NBEA: variants seen among roughly 807,000 people sequenced by gnomAD.
The protein encoded by NBEA is lysosomal-trafficking regulator 2.
Under a neutral mutation model 343.4 loss-of-function variants are expected in NBEA, and 44 were observed. That is an observed-to-expected ratio of 0.13 (90% CI 0.10 to 0.16). The LOEUF is 0.16. Among genes scored for constraint, NBEA ranks in the 10% least tolerant of loss-of-function variants. The pLI, the probability that NBEA is intolerant of heterozygous loss-of-function variation, is 1.00. For missense variants in NBEA, 2,555 were observed against 3,631.3 expected (o/e 0.70, Z 7.62); for synonymous variants, 1,175 against 1,238.7 (o/e 0.95, Z 1.08).
chr13:35,173,535 C>T lies in NBEA; in HGVS notation c.4495C>T (p.His1499Tyr). 2 of 1,611,676 alleles carry T rather than the reference C, an allele frequency of 1.2e-6. No homozygotes were observed. Among genetic ancestry groups the T allele is most frequent in the Non-Finnish European group, 1.7e-6 (2 of 1,178,466 alleles). ...GAGAGACAGGGGAAATAAATCTTCCCATGGAAGCAGTAAACCTCAGGAAGT... is the reference window on the plus strand; with the variant it reads ...GAGAGACAGGGGAAATAAATCTTCCTATGGAAGCAGTAAACCTCAGGAAGT... ...RQRDRGNKSS[H>Y]GSSKPQEVPQ... Residue 1499 changes from histidine to tyrosine, a missense_variant, in exon 27 of 59, where the codon CAT becomes TAT. His to Tyr is a moderately conservative substitution (Grantham distance 83). Coordinates refer to ENST00000379939, the MANE Select transcript of NBEA (RefSeq NM_001385012.1).
At chr13:35,196,382 G>A (rs1201042294) in intron 31 of NBEA, 80 bp downstream of exon 31, 4 of 1,330,258 alleles carry the variant, frequency 3.0e-6, no homozygotes, top group Non-Finnish European at 4.0e-6. Flanking sequence ...ATATAAGGAA[G>A]ATCTTGAAAA....
intron 34 of NBEA, among the ~76,000 whole-genome samples, chr13:35,255,383 C>T (rs563624749): frequency 6.6e-6 from 1 of 152,322 alleles, no homozygotes; most frequent in African/African-American, 2.4e-5. Context: ...GCCCACTTGG[C>T]CTGACATGCT....
chr13:35,223,258 A>T (rs9600342), intron 33 of NBEA, among the ~76,000 whole-genome samples: 9,942 of 152,256 alleles, frequency 0.065, 330 homozygotes, highest in African/African-American at 0.082. Context: ...TTGTTTGTAT[A>T]AATCTGTTTT....
chr13:35,261,512 AAAT>A (rs977099676), intron 34 of NBEA, among the ~76,000 whole-genome samples: 3 of 152,064 alleles, frequency 2.0e-5, no homozygotes, highest in African/African-American at 7.2e-5. Context: ...CTCCATCTCA[AAAT>A]AATAATAATA....
chr13:35,255,778 G>A (rs912293721), intron 34 of NBEA, among the ~76,000 whole-genome samples: 3 of 152,366 alleles, frequency 2.0e-5, no homozygotes, highest in Middle Eastern at 3.4e-3. Flanking sequence ...GGTGAGCGGG[G>A]GTGGGAGGAT....
rs143178228 is a variant in NBEA at position 35,322,352 on chromosome 13, G to C, written c.5903+12760G>C. Among the ~76,000 whole-genome samples the C allele has an allele frequency of 5.8e-3, 885 of 152,252 alleles. 10 individuals are homozygous for C. The highest frequency in any genetic ancestry group is 0.02 in the African/African-American group (838 of 41,562). ...CACGGCTTCCCTTGGCTAGGGTAGG[G>C]AGTTCCCTGACCCCTTGTGCTTCCC... On this transcript the variant is annotated intron_variant, in intron 36 of 58. Transcript: ENST00000379939.
intron 46 of NBEA, 197 bp from the exon 47 acceptor site, chr13:35,593,131 T>G (rs906938477): frequency 2.3e-6 from 1 of 434,004 alleles, no homozygotes; most frequent in Admixed American, 4.2e-5. Flanking sequence ...CCTGCCAGAG[T>G]TGCAGACTGA....
At chr13:35,163,213 C>T (rs1302479921) in intron 23 of NBEA, among the ~76,000 whole-genome samples, 3 of 151,978 alleles carry the variant, frequency 2.0e-5, no homozygotes, top group Non-Finnish European at 4.4e-5. Flanking sequence ...AAAGGTAACA[C>T]TTTATTTTTA....
chr13:35,385,828 G>C (rs2152895580), intron 38 of NBEA, among the ~76,000 whole-genome samples: 1 of 152,238 alleles, frequency 6.6e-6, no homozygotes, highest in Middle Eastern at 3.4e-3. Context: ...ACAGGGATTG[G>C]CTTTATATAA....
At chr13:34,962,886 G>T (rs550890169) in intron 1 of NBEA, among the ~76,000 whole-genome samples, 23 of 152,008 alleles carry the variant, frequency 1.5e-4, no homozygotes, top group Non-Finnish European at 3.2e-4. Context: ...TATATTAACT[G>T]TCAGGGGCAC....
rs747356435 is a variant in NBEA, at chr13:35,555,089, T to C, written c.6909T>C (p.Leu2303=). The part of the protein sequence containing the change: ...EISNFEYLMF[L]NTIAGRTYND... ...CAAACTTCGAATATTTGATGTTCCT[T>C]AATACTATTGCAGGTAAGATGTCTC... is the stretch of plus-strand genomic sequence containing the variant. The change falls in exon 44 of 59, where the codon CTT becomes CTC. Residue 2303 remains leucine (L), a synonymous_variant. Coordinates refer to ENST00000379939, the MANE Select transcript of NBEA (RefSeq NM_001385012.1). 1.3e-5 allele frequency: 20 copies of C among 1,583,514 alleles called. No individual in the cohort carries two copies. The African/African-American group carries it at 2.3e-4, about 18-fold the overall frequency.
chr13:35,194,846 G>C lies in NBEA; in HGVS notation c.4928-1018G>C, dbSNP rs538862766. 2.6e-5 allele frequency among the ~76,000 whole-genome samples: 4 copies of C among 151,982 alleles called. No homozygotes were observed. The East Asian group carries it at 7.7e-4, about 29-fold the overall frequency. ...ACTTTTAGTTGTTAATATTATATGT[G>C]TATTTCATTATCTGTGTAGTTATAT... is the stretch of plus-strand genomic sequence containing the variant. On this transcript the variant is annotated intron_variant, in intron 30 of 58. Transcript: ENST00000379939.
chr13:35,088,251 C>T, intron 10 of NBEA, among the ~76,000 whole-genome samples: 1 of 151,816 alleles, frequency 6.6e-6, no homozygotes, highest in Non-Finnish European at 1.5e-5. Flanking sequence ...TTAATGTACC[C>T]TAAATAATTC....
intron 1 of NBEA, among the ~76,000 whole-genome samples, chr13:34,960,889 A>G (rs1335276200): frequency 1.3e-5 from 2 of 152,124 alleles, no homozygotes; most frequent in Non-Finnish European, 2.9e-5. Flanking sequence ...GTTTAACCTT[A>G]TTAGTGATGT....
chr13:35,557,007 G>A (rs1367905671), intron 44 of NBEA, among the ~76,000 whole-genome samples: 1 of 151,974 alleles, frequency 6.6e-6, no homozygotes, highest in Non-Finnish European at 1.5e-5. Context: ...TATCAAGACA[G>A]TATCATTAGA....
chr13:35,388,698 A>C (rs138829649), intron 38 of NBEA, among the ~76,000 whole-genome samples: 56 of 152,314 alleles, frequency 3.7e-4, no homozygotes, highest in Non-Finnish European at 5.7e-4. Flanking sequence ...GTGCTTAGTT[A>C]AATAAATGTG....
At chr13:35,096,218 A>C (rs2065322754) in intron 10 of NBEA, among the ~76,000 whole-genome samples, 1 of 151,024 alleles carries the variant, frequency 6.6e-6, no homozygotes, top group Non-Finnish European at 1.5e-5. Context: ...TTTTTTGCAA[A>C]GATGTGGTAT....
chr13:35,094,880 A>G (rs1340257543), intron 10 of NBEA, among the ~76,000 whole-genome samples: 1 of 151,908 alleles, frequency 6.6e-6, no homozygotes, highest in African/African-American at 2.4e-5. Context: ...TAATCTACTT[A>G]ATCAATTACT....
chr13:35,475,042 C>T (rs1164506727), intron 41 of NBEA: 1 of 1,602,962 alleles, frequency 6.2e-7, no homozygotes, highest in East Asian at 2.2e-5. Context: ...AATTTCGGCT[C>T]TTGATTAAAT....
Sources: allele counts gnomAD v4.1 joint callset (sites outside exome capture counted in the v4.1 genomes callset), GRCh38; gene constraint gnomAD v4.1.1; transcripts MANE v1.5; gene names NCBI Gene and HGNC (gene_info 2026-07-23, HGNC 2026-07-21).